Variants in WDR3 observed in about 807,000 individuals in gnomAD.
The protein encoded by WDR3 is WD repeat domain 3, also known as WD repeat-containing protein 3.
A neutral mutation model predicts 123.7 loss-of-function variants in WDR3; 81 were observed. That is an observed-to-expected ratio of 0.65 (90% CI 0.55 to 0.79). The LOEUF (loss-of-function observed/expected upper bound fraction) is 0.79. Ranked by LOEUF, WDR3 falls within the 30% of genes least tolerant of loss-of-function variation. The pLI is 0.00. For missense variants in WDR3, 1,027 were observed against 1,123.2 expected (o/e 0.91, Z 1.22); for synonymous variants, 390 against 388.8 (o/e 1.00, Z -0.04).
intron 8 of WDR3, 117 bp from the exon 9 acceptor site, chr1:117,941,633 C>T (rs899163307): frequency 1.7e-5 from 22 of 1,264,988 alleles, no homozygotes; most frequent in Non-Finnish European, 2.4e-5. Flanking sequence ...TTAAGTTGTC[C>T]AAGGTAATAC....
chr1:117,939,446 CG>C, intron 5 of WDR3, 30 bp from the exon 6 acceptor site: 1 of 1,599,438 alleles, frequency 6.3e-7, no homozygotes, highest in Non-Finnish European at 8.6e-7. Context: ...TCTTGAAAAT[CG>C]TATTACTCAA....
At chr1:117,948,295 G>T (rs1015127405) in intron 12 of WDR3, 110 bp from the exon 13 acceptor site, 11 of 813,520 alleles carry the variant, frequency 1.4e-5, no homozygotes, top group Non-Finnish European at 4.0e-6. Context: ...CTAAGCAATG[G>T]ATCACATTTT....
Position 117,942,432 on chromosome 1 carries a change from T to C in WDR3, c.990-5T>C, listed in dbSNP as rs1298364353. 6.2e-7 allele frequency: 1 copy of C among 1,611,008 alleles called. No individual in the cohort carries two copies. The highest frequency in any genetic ancestry group is 1.3e-5 in the African/African-American group (1 of 74,932). On this transcript the variant is annotated splice_region_variant and splice_polypyrimidine_tract_variant and intron_variant, in intron 9 of 26. Transcript: ENST00000349139. The stretch of plus-strand genomic sequence containing the variant: ...AGCATGATATACTTTTCTTCTTCCC[T>C]CTAGATTACATTCTAGCAAAGGAGA...
At chr1:117,949,624 C>T in intron 13 of WDR3, 127 bp from the exon 14 acceptor site, 1 of 1,079,092 alleles carries the variant, frequency 9.3e-7, no homozygotes, top group Non-Finnish European at 1.3e-6. Flanking sequence ...TAGGGAGAAC[C>T]ACGTTTTTCT....
chr1:117,938,375 G>A (rs1651015121), intron 4 of WDR3, 105 bp from the exon 5 acceptor site: 1 of 806,634 alleles, frequency 1.2e-6, no homozygotes, highest in Non-Finnish European at 2.0e-6. Flanking sequence ...AGACATTATT[G>A]AAGCATATGT....
At chr1:117,954,481 C>A in intron 22 of WDR3, 99 bp from the exon 23 acceptor site, 1 of 1,229,772 alleles carries the variant, frequency 8.1e-7, no homozygotes. Flanking sequence ...CTCTTTTTTC[C>A]CTTTTCAAAA....
intron 3 of WDR3, among the ~76,000 whole-genome samples, chr1:117,935,928 A>G (rs1650926866): frequency 6.6e-6 from 1 of 152,042 alleles, no homozygotes; most frequent in Admixed American, 6.5e-5. Flanking sequence ...CAGTCAAATA[A>G]GAGATGACAC....
rs77802292 is a variant in WDR3, at chr1:117,931,485, G to T, written c.-33+1703G>T. On this transcript the variant is annotated intron_variant, in intron 1 of 26. Coordinates refer to ENST00000349139, the MANE Select transcript of WDR3 (RefSeq NM_006784.3). ...CTTAGTGTCAGAAGAAAAGAGAGGG[G>T]TACCAGAAGTAAGGTAGGCTTGGTT... is the stretch of plus-strand genomic sequence containing the variant. Among the ~76,000 whole-genome samples the T allele has an allele frequency of 6.8e-3, 1,034 of 152,286 alleles. 9 individuals carry two copies. Among genetic ancestry groups the T allele is most frequent in the African/African-American group, 0.023 (971 of 41,562 alleles).
intron 12 of WDR3, among the ~76,000 whole-genome samples, chr1:117,947,921 G>C (rs954916946): frequency 3.9e-5 from 6 of 152,108 alleles, no homozygotes; most frequent in Non-Finnish European, 7.4e-5. Flanking sequence ...CCTTAGTGCT[G>C]TAGGTAGATC....
At chr1:117,950,780 A>C in intron 15 of WDR3, 54 bp from the exon 16 acceptor site, 1 of 1,428,178 alleles carries the variant, frequency 7.0e-7, no homozygotes, top group East Asian at 2.3e-5. Flanking sequence ...TACATGTAAT[A>C]AATTATACCC....
At position 117,963,115 on chromosome 1, in the gene WDR3, G is replaced by A. The variant is rs914699021; in HGVS notation, c.*3668G>A. ...AGCCCTGGTATGTTTTTAGAACACAGTACACATTGTGTAACAGTCACTGAG... is the reference window on the plus strand; with the variant it reads ...AGCCCTGGTATGTTTTTAGAACACAATACACATTGTGTAACAGTCACTGAG... On this transcript the variant is annotated 3_prime_UTR_variant, in exon 27 of 27. Coordinates refer to ENST00000349139, the MANE Select transcript of WDR3 (RefSeq NM_006784.3). 1 of 152,166 alleles carries A rather than the reference G, an allele frequency of 6.6e-6. No homozygotes were observed. The highest frequency in any genetic ancestry group is 6.5e-5 in the Admixed American group (1 of 15,284). 9.4% of individuals were successfully genotyped at this position (152,166 alleles called of 1,614,324 possible). A position where few individuals can be genotyped will look rare whatever the true frequency, so the allele number is the denominator to read the frequency against.
rs1444051958 is a variant in WDR3 at position 117,943,508 on chromosome 1, G to A, written c.1210G>A (p.Val404Ile). 6.2e-7 allele frequency: 1 copy of A among 1,614,090 alleles called. No individual in the cohort carries two copies. Among genetic ancestry groups the A allele is most frequent in the South Asian group, 1.1e-5 (1 of 91,082 alleles). ...TCCATCCTTGCCTACTCCTCAGCCTGTCAGGACAAGCAGAATCACTATTGG... is the reference window on the plus strand; with the variant it reads ...TCCATCCTTGCCTACTCCTCAGCCTATCAGGACAAGCAGAATCACTATTGG... ...LNPSLPTPQP[V>I]RTSRITIGGH... The change falls in exon 11 of 27, where the codon GTC (valine) becomes ATC (isoleucine). Residue 404 changes from valine to isoleucine, a missense_variant. By Grantham distance (29) the Val-to-Ile change is conservative. Coordinates refer to ENST00000349139, the MANE Select transcript of WDR3 (RefSeq NM_006784.3).
At chr1:117,956,984 A>T (rs1652292079) in intron 24 of WDR3, 84 bp from the exon 25 acceptor site, 6 of 1,246,920 alleles carry the variant, frequency 4.8e-6, no homozygotes, top group Non-Finnish European at 5.4e-6. Flanking sequence ...AGTAGAAAAA[A>T]TAATAAAGGG....
At chr1:117,953,874 T>A (rs531363688) in intron 21 of WDR3, 133 bp from the exon 22 acceptor site, 2 of 740,980 alleles carry the variant, frequency 2.7e-6, no homozygotes, top group African/African-American at 3.5e-5. Flanking sequence ...TTTTTGGCAC[T>A]CTATTCGCAC....
rs1226152568 is a variant in WDR3, at chr1:117,963,039, C to T, written c.*3592C>T. The T allele has an allele frequency of 6.6e-6, 1 of 152,226 alleles. No homozygotes were observed. Among genetic ancestry groups the T allele is most frequent in the East Asian group, 1.9e-4 (1 of 5,186 alleles). The allele number at this position is 152,226 out of a possible 1,614,324, so 9.4% of individuals were successfully genotyped here. ...GCTAAGGTTCTTAAAGGTAGTATCA[C>T]CATATATTCAAGTCCTTTCTCTTTA... is the stretch of plus-strand genomic sequence containing the variant. On this transcript the variant is annotated 3_prime_UTR_variant, in exon 27 of 27. Coordinates refer to ENST00000349139, the MANE Select transcript of WDR3 (RefSeq NM_006784.3).
rs530784699 is a variant in WDR3 at position 117,931,039 on chromosome 1, C to A, written c.-33+1257C>A. On this transcript the variant is annotated intron_variant, in intron 1 of 26. Coordinates refer to ENST00000349139, the MANE Select transcript of WDR3 (RefSeq NM_006784.3). ...CATAGCTCACTGCAACCTCGAACTT[C>A]TGGACTCAAGTGATCTTTCTGCCTC... Among the ~76,000 whole-genome samples, 389 of 152,314 alleles carry A rather than the reference C, an allele frequency of 2.6e-3. 2 individuals carry two copies. The highest frequency in any genetic ancestry group is 8.9e-3 in the African/African-American group (370 of 41,560).
chr1:117,937,116 C>G (rs897326743), intron 4 of WDR3, among the ~76,000 whole-genome samples: 8 of 151,954 alleles, frequency 5.3e-5, no homozygotes, highest in Non-Finnish European at 1.2e-4. Context: ...TTCTTGATAT[C>G]AGTTTTTCTG....
At chr1:117,933,137 G>A (rs1038371944) in intron 1 of WDR3, among the ~76,000 whole-genome samples, 151 bp from the exon 2 acceptor site, 1 of 152,100 alleles carries the variant, frequency 6.6e-6, no homozygotes, top group African/African-American at 2.4e-5. Flanking sequence ...CTAGGAGGTG[G>A]AGTCAGCTGT....
At chr1:117,934,377 G>T in intron 2 of WDR3, 96 bp from the exon 3 acceptor site, 1 of 1,143,934 alleles carries the variant, frequency 8.7e-7, no homozygotes, top group Non-Finnish European at 1.2e-6. Flanking sequence ...TGGAATTATT[G>T]GTGCTCTTAA....
Sources: allele counts gnomAD v4.1 joint callset (sites outside exome capture counted in the v4.1 genomes callset), GRCh38; gene constraint gnomAD v4.1.1; transcripts MANE v1.5; gene names NCBI Gene and HGNC (gene_info 2026-07-23, HGNC 2026-07-21).